Variants in SHC1 observed in about 807,000 individuals in gnomAD.
SHC1 encodes SHC-transforming protein 1.
Under a neutral mutation model 55.9 loss-of-function variants are expected in SHC1, and 30 were observed. The ratio of observed to expected loss-of-function variants is 0.54; its 90% CI spans 0.40 to 0.73. SHC1 has a LOEUF of 0.73. Among genes scored for constraint, SHC1 ranks in the 30% least tolerant of loss-of-function variants. The pLI, the probability that SHC1 is intolerant of heterozygous loss-of-function variation, is 0.00. For missense variants in SHC1, 675 were observed against 777.1 expected (o/e 0.87, Z 1.56); for synonymous variants, 309 against 306.1 (o/e 1.01, Z -0.10).
upstream of SHC1, among the ~76,000 whole-genome samples, chr1:154,973,706 G>A (rs1656970459): frequency 6.6e-6 from 1 of 152,038 alleles, no homozygotes; most frequent in South Asian, 2.1e-4. Context: ...AGGGATTGAC[G>A]ACAAGGCTTT....
At chr1:154,971,056 G>A (rs185582174), upstream of SHC1, among the ~76,000 whole-genome samples, 84 of 152,276 alleles carry the variant, frequency 5.5e-4, no homozygotes, top group African/African-American at 1.9e-3. Context: ...GCAGGCCAAA[G>A]GGGGCAGGAA....
chr1:154,963,826 G>C lies in SHC1; in HGVS notation c.1732C>G (p.Gln578Glu), dbSNP rs770420471. ...GATCACAGTTTCCGCTCCACAGGTT[G>C]CTGTAGACACAGTTCGCTGCCCGCA... ...ISAGSELCLQ[Q>E]PVERKL Residue 578 changes from glutamine (Q) to glutamate (E), a missense_variant, in exon 12 of 12, where the codon CAA becomes GAA. Physicochemically the swap from Gln to Glu is conservative, Grantham distance 29. Around this residue, in one of 3 missense-constraint regions of SHC1, gnomAD observed 360 missense variants for 371.1 expected, o/e 0.97. Coordinates refer to ENST00000448116, the MANE Select transcript of SHC1 (RefSeq NM_001130040.2). 5.6e-6 allele frequency: 9 copies of C among 1,614,016 alleles called. No homozygotes were observed. The highest frequency in any genetic ancestry group is 7.6e-6 in the Non-Finnish European group (9 of 1,180,018).
chr1:154,964,302 G>A (rs558985750), intron 11 of SHC1: 6 of 471,786 alleles, frequency 1.3e-5, no homozygotes, highest in East Asian at 6.8e-5. Context: ...CTGGGAGGCC[G>A]AGGGAGGCGG....
rs185071510 is a variant in SHC1 at position 154,969,128 on chromosome 1, C to T, written c.566+250G>A. Among the ~76,000 whole-genome samples the T allele has an allele frequency of 3.9e-5, 6 of 152,308 alleles. No homozygotes were observed. In the East Asian group the frequency reaches 1.2e-3, roughly 29 times the overall value. On this transcript the variant is annotated intron_variant, in intron 2 of 11. Transcript: ENST00000448116. ...CTTCCATCTACCCCCCTTTTCTACT[C>T]CAGCTCCACCTGCCAGCTGCTTCTG...
chr1:154,970,382 G>A lies in SHC1; in HGVS notation c.145C>T (p.Leu49=). Reference sequence around the variant, plus strand: ...GTAGTGGGACTATCGTCCCCAGGCAGAGGAGGCAGGATGGGCCCCAGGGAT... The same window carrying A: ...GTAGTGGGACTATCGTCCCCAGGCAAAGGAGGCAGGATGGGCCCCAGGGAT... ...ASSLGPILPP[L]PGDDSPTTLC... The change falls in exon 1 of 12, where the codon CTG becomes TTG. Residue 49 remains leucine, a synonymous_variant. Coordinates refer to ENST00000448116, the MANE Select transcript of SHC1 (RefSeq NM_001130040.2). The surrounding 1 kb of genome is among the most constrained non-coding windows in gnomAD (Gnocchi z 5.5). 1 of 1,603,508 alleles carries A rather than the reference G, an allele frequency of 6.2e-7. No individual in the cohort carries two copies. The highest frequency in any genetic ancestry group is 8.5e-7 in the Non-Finnish European group (1 of 1,175,256).
chr1:154,969,485 TCCCCCACC>T (rs1656462042), intron 1 of SHC1, 37 bp from the exon 2 acceptor site: 4 of 1,418,542 alleles, frequency 2.8e-6, no homozygotes, highest in Middle Eastern at 3.5e-4. Context: ...GGTCAGCGGC[TCCCCCACC>T]CCAGCCCCTT....
Position 154,968,188 on chromosome 1 carries a change from C to T in SHC1, c.804+16G>A. 3.7e-6 allele frequency: 6 copies of T among 1,613,752 alleles called. No individual in the cohort carries two copies. Among genetic ancestry groups the T allele is most frequent in the Non-Finnish European group, 5.1e-6 (6 of 1,179,652 alleles). On this transcript the variant is annotated intron_variant, in intron 5 of 11. Transcript: ENST00000448116. The stretch of plus-strand genomic sequence containing the variant: ...TTGCTCTTCTCCCACCGCCTTTGCT[C>T]TGTTCCCCAACTCACCGGATCCCCG...
chr1:154,974,021 C>T (rs758294272), upstream of SHC1, among the ~76,000 whole-genome samples: 9 of 150,438 alleles, frequency 6.0e-5, no homozygotes, highest in Non-Finnish European at 1.3e-4. Context: ...TGGAACGTGT[C>T]GGGGGGTGGG....
At chr1:154,966,919 A>G (rs1464692579) in intron 7 of SHC1, among the ~76,000 whole-genome samples, 1 of 152,208 alleles carries the variant, frequency 6.6e-6, no homozygotes, top group Non-Finnish European at 1.5e-5. Flanking sequence ...CCAGGACAAC[A>G]TAGCGAGACC....
rs749250345 is a variant in SHC1, at chr1:154,966,384, C to T, written c.1117G>A (p.Ala373Thr). 3.3e-5 allele frequency: 54 copies of T among 1,613,978 alleles called. No individual in the cohort carries two copies. The highest frequency in any genetic ancestry group is 5.3e-5 in the African/African-American group (4 of 74,922). ...GCAGTGGGTCGAGCAGCCCCTGGAG[C>T]GGCTCCTTCCCGAAGCCTCATGTCT... ...VVDMRLREGA[A>T]PGAARPTAPN... The change falls in exon 8 of 12, where the codon GCT becomes ACT. Residue 373 changes from alanine (A) to threonine (T), a missense_variant. Transcript: ENST00000448116.
upstream of SHC1, among the ~76,000 whole-genome samples, chr1:154,973,971 A>T (rs1657005977): frequency 6.6e-6 from 1 of 151,894 alleles, no homozygotes; most frequent in Admixed American, 6.6e-5. Context: ...GGAGTTTCGG[A>T]GAATGGAAGG....
intron 4 of SHC1, 49 bp downstream of exon 4, chr1:154,968,446 C>G: frequency 6.2e-7 from 1 of 1,612,588 alleles, no homozygotes; most frequent in East Asian, 2.2e-5. Context: ...TAGATCTCCC[C>G]TTAGCACCCC....
In SHC1 at chr1:154,966,514, C is replaced by G. The variant is rs367900568; in HGVS notation, c.987G>C (p.Met329Ile). The G allele has an allele frequency of 7.6e-6, 12 of 1,585,964 alleles. No homozygotes were observed. Among genetic ancestry groups the G allele is most frequent in the Non-Finnish European group, 9.4e-6 (11 of 1,164,142 alleles). The change falls in exon 8 of 12, where the codon ATG becomes ATC. Residue 329 changes from methionine to isoleucine, a missense_variant. Around this residue, in one of 3 missense-constraint regions of SHC1, gnomAD observed 360 missense variants for 371.1 expected, o/e 0.97. Transcript: ENST00000448116. ...PPKLVTPHDRMAGFDGSAWDE... is the reference protein window; with the variant it reads ...PPKLVTPHDRIAGFDGSAWDE... ...CCCATGCTGAGCCATCAAAGCCAGC[C>G]ATCCTGAGGGACAGGACAGTGAAGC...
rs1300665106 is a variant in SHC1, at chr1:154,962,702, TG to T, written c.*1100del. 6.6e-6 allele frequency: 1 copy of T among 152,614 alleles called. No individual in the cohort carries two copies. Among genetic ancestry groups the T allele is most frequent in the Non-Finnish European group, 1.5e-5 (1 of 68,024 alleles). 9.5% of individuals were successfully genotyped at this position (152,614 alleles called of 1,614,324 possible). A position where few individuals can be genotyped will look rare whatever the true frequency, so the allele number is the denominator to read the frequency against. The stretch of plus-strand genomic sequence containing the variant: ...AAATGCCAAGAGCTGTAAAAGGGCT[TG>T]GAAAAGTCAAAAAGGTGATGTATAA... On this transcript the variant is annotated 3_prime_UTR_variant, in exon 12 of 12. Coordinates refer to ENST00000448116, the MANE Select transcript of SHC1 (RefSeq NM_001130040.2).
Position 154,970,595 on chromosome 1 carries a change from G to A in SHC1, c.-69C>T. The A allele has an allele frequency of 9.2e-7, 1 of 1,090,362 alleles. No homozygotes were observed. Among genetic ancestry groups the A allele is most frequent in the Non-Finnish European group, 1.3e-6 (1 of 746,638 alleles). 67.5% of individuals were successfully genotyped at this position (1,090,362 alleles called of 1,614,324 possible). On this transcript the variant is annotated 5_prime_UTR_variant, in exon 1 of 12. Transcript: ENST00000448116. The surrounding 1 kb of genome is among the most constrained non-coding windows in gnomAD (Gnocchi z 5.5). ...CCAGTTTGGGCAAGGGGGCCAGGCA[G>A]GGGGTATCCCCAGGCCCTTAGCCTG...
Position 154,963,200 on chromosome 1 carries a change from G to C in SHC1, c.*603C>G, listed in dbSNP as rs1655515947. ...TCTAAGGGTTGCATATCCCCAGGGA[G>C]AGGGGACAGCTGCCACTCCTGCCTC... On this transcript the variant is annotated 3_prime_UTR_variant, in exon 12 of 12. Coordinates refer to ENST00000448116, the MANE Select transcript of SHC1 (RefSeq NM_001130040.2). 1 of 153,534 alleles carries C rather than the reference G, an allele frequency of 6.5e-6. No homozygotes were observed. Among genetic ancestry groups the C allele is most frequent in the African/African-American group, 2.4e-5 (1 of 41,440 alleles). 9.5% of individuals were successfully genotyped at this position (153,534 alleles called of 1,614,324 possible).
intron 7 of SHC1, among the ~76,000 whole-genome samples, chr1:154,966,960 T>C (rs759237844): frequency 3.3e-5 from 5 of 152,118 alleles, no homozygotes; most frequent in Non-Finnish European, 7.3e-5. Flanking sequence ...ATACTACTAC[T>C]CAGCCAGGTG....
In SHC1 at chr1:154,970,230, C is replaced by A; in HGVS notation, c.297G>T (p.Met99Ile). 1 of 1,613,296 alleles carries A rather than the reference C, an allele frequency of 6.2e-7. No individual in the cohort carries two copies. Among genetic ancestry groups the A allele is most frequent in the Non-Finnish European group, 8.5e-7 (1 of 1,179,598 alleles). The change falls in exon 1 of 12, where the codon ATG becomes ATT. Residue 99 changes from methionine (M) to isoleucine (I), a missense_variant. By Grantham distance (10) the Met-to-Ile change is conservative (BLOSUM62 1). This residue lies in a region of SHC1 where 156 missense variants were observed against 159.1 expected (regional missense o/e 0.98). Transcript: ENST00000448116. This position sits in a 1 kb window ranked among gnomAD's most constrained non-coding sequence, Gnocchi z 5.5. ...GGAGGGGTAGGGGGCCTGAGTCTGG[C>A]ATGGCTGCCCCTACGATCCCCTCCC... is the stretch of plus-strand genomic sequence containing the variant. ...DDGEGIVGAA[M>I]PDSGPLPLLQ...
intron 10 of SHC1, 73 bp from the exon 11 acceptor site, chr1:154,965,854 G>A: frequency 6.4e-7 from 1 of 1,567,962 alleles, no homozygotes; most frequent in African/African-American, 1.4e-5. Flanking sequence ...TTCAGGGAAG[G>A]GAAGTCAGGA....
Sources: gnomAD v4.1 joint callset for allele counts (sites outside exome capture counted in the v4.1 genomes callset) on GRCh38, gnomAD v4.1.1 for gene constraint, gnomAD v4.1.1 regional missense constraint, Gnocchi (gnomAD v3.1) non-coding constraint, MANE v1.5 for transcripts, NCBI Gene and HGNC (gene_info 2026-07-23, HGNC 2026-07-21) for gene names.